Variants in SAP30L observed in about 807,000 individuals in gnomAD.
SAP30L encodes the protein SAP30 like.
In SAP30L, 10 loss-of-function variants were observed where a neutral mutation model predicts 22.3. The observed-to-expected ratio is 0.45, with a 90% confidence interval of 0.28 to 0.76. SAP30L has a LOEUF of 0.76. Ranked by LOEUF, SAP30L falls within the 30% of genes least tolerant of loss-of-function variation. The probability of loss-of-function intolerance (pLI) is 0.14; values close to 1 mark genes in which losing one functional copy is unlikely to be tolerated. For synonymous variants in SAP30L, 91 were observed against 94.1 expected (o/e 0.97, Z 0.19); for missense variants, 206 against 237.9 (o/e 0.87, Z 0.88).
chr5:154,446,616 C>T lies in SAP30L; in HGVS notation c.12C>T (p.Phe4=), dbSNP rs938357785. ...CCCGGGGCGGGGAGATGAACGGCTT[C>T]AGCACGGAGGAGGACAGCCGCGAAG... MNG[F]STEEDSREGP... Residue 4 remains phenylalanine (F), a synonymous_variant, in exon 1 of 4, where the codon TTC becomes TTT. Coordinates refer to ENST00000297109, the MANE Select transcript of SAP30L (RefSeq NM_024632.6). The T allele has an allele frequency of 6.6e-7, 1 of 1,506,814 alleles. No individual in the cohort carries two copies. Among genetic ancestry groups the T allele is most frequent in the Non-Finnish European group, 8.8e-7 (1 of 1,131,808 alleles). 93.3% of individuals were successfully genotyped at this position (1,506,814 alleles called of 1,614,324 possible).
At chr5:154,454,365 G>T (rs968062462) in intron 3 of SAP30L, among the ~76,000 whole-genome samples, 1 of 151,600 alleles carries the variant, frequency 6.6e-6, no homozygotes, top group African/African-American at 2.4e-5. Flanking sequence ...TGATAATTCT[G>T]TCTTTGTCAT....
At chr5:154,452,907 A>G (rs1192771976) in intron 2 of SAP30L, among the ~76,000 whole-genome samples, 1 of 151,420 alleles carries the variant, frequency 6.6e-6, no homozygotes, top group African/African-American at 2.4e-5. Context: ...TTGCTATAGC[A>G]TCTCCCTCCG....
chr5:154,452,084 A>G (rs1467313169), intron 2 of SAP30L, among the ~76,000 whole-genome samples: 1 of 152,220 alleles, frequency 6.6e-6, no homozygotes, highest in Non-Finnish European at 1.5e-5. Flanking sequence ...ACTCAGCAAG[A>G]GAAGAACCGT....
At chr5:154,450,245 A>G (rs1319557265) in intron 1 of SAP30L, among the ~76,000 whole-genome samples, 1 of 152,218 alleles carries the variant, frequency 6.6e-6, no homozygotes, top group Non-Finnish European at 1.5e-5. Flanking sequence ...TCCAGCCTGT[A>G]TTAGAAAATC....
At chr5:154,446,852 C>T (rs558265557) in intron 1 of SAP30L, 47 bp downstream of exon 1, 2 of 1,515,116 alleles carry the variant, frequency 1.3e-6, no homozygotes, top group African/African-American at 2.8e-5. Flanking sequence ...CCCCAGCTCT[C>T]CGTCCGCTGC....
At chr5:154,447,643 A>T (rs1282223674) in intron 1 of SAP30L, among the ~76,000 whole-genome samples, 1 of 152,206 alleles carries the variant, frequency 6.6e-6, no homozygotes, top group East Asian at 1.9e-4. Flanking sequence ...AGTTAAGGGG[A>T]TATTTAATAT....
intron 2 of SAP30L, 23 bp downstream of exon 2, chr5:154,451,236 G>T: frequency 6.2e-7 from 1 of 1,608,278 alleles, no homozygotes; most frequent in Non-Finnish European, 8.5e-7. Context: ...GAAACCAGTT[G>T]CGGAAGCTGG....
intron 1 of SAP30L, among the ~76,000 whole-genome samples, chr5:154,447,584 T>C (rs1159266797): frequency 6.6e-6 from 1 of 152,250 alleles, no homozygotes; most frequent in Non-Finnish European, 1.5e-5. Context: ...GTTTGACATC[T>C]GTTGCTACAA....
intron 3 of SAP30L, among the ~76,000 whole-genome samples, chr5:154,454,034 A>G (rs1757211305): frequency 6.6e-6 from 1 of 152,182 alleles, no homozygotes; most frequent in South Asian, 2.1e-4. Context: ...ATGTTGCTCA[A>G]GTGATTCTCT....
Position 154,446,259 on chromosome 5 carries a change from T to G in SAP30L, c.-346T>G. Reference sequence around the variant, plus strand: ...CCTGGCAACCCAGGCCCGGAGTCCTTGGGGAGCGGCTGTTTCCTGGGACGC... The same window carrying G: ...CCTGGCAACCCAGGCCCGGAGTCCTGGGGGAGCGGCTGTTTCCTGGGACGC... On this transcript the variant is annotated 5_prime_UTR_variant, in exon 1 of 4. Transcript: ENST00000297109. 1 of 220,830 alleles carries G rather than the reference T, an allele frequency of 4.5e-6. No individual in the cohort carries two copies. Among genetic ancestry groups the G allele is most frequent in the Non-Finnish European group, 8.9e-6 (1 of 112,934 alleles). The allele number at this position is 220,830 out of a possible 1,614,324, so 13.7% of individuals were successfully genotyped here.
chr5:154,458,820 A>G lies in SAP30L; in HGVS notation c.*2792A>G, dbSNP rs1561705205. 6.6e-6 allele frequency: 1 copy of G among 152,230 alleles called. No homozygotes were observed. Among genetic ancestry groups the G allele is most frequent in the Non-Finnish European group, 1.5e-5 (1 of 68,036 alleles). 9.4% of individuals were successfully genotyped at this position (152,230 alleles called of 1,614,324 possible). A position where few individuals can be genotyped will look rare whatever the true frequency, so the allele number is the denominator to read the frequency against. The stretch of plus-strand genomic sequence containing the variant: ...AGGAACAAACTCTTAGGTTGGCAAC[A>G]GCATATAAAAAAAAAGATCACAGCT... On this transcript the variant is annotated 3_prime_UTR_variant, in exon 4 of 4. Coordinates refer to ENST00000297109, the MANE Select transcript of SAP30L (RefSeq NM_024632.6).
At chr5:154,451,396 G>C in intron 2 of SAP30L, 183 bp downstream of exon 2, 2 of 650,568 alleles carry the variant, frequency 3.1e-6, no homozygotes, top group East Asian at 5.7e-5. Context: ...GACACCCACT[G>C]GTCAGACTGC....
At chr5:154,454,193 C>T (rs1757214634) in intron 3 of SAP30L, among the ~76,000 whole-genome samples, 2 of 152,128 alleles carry the variant, frequency 1.3e-5, no homozygotes, top group South Asian at 4.1e-4. Context: ...TCTACAGGAG[C>T]TATTTTTTTT....
intron 1 of SAP30L, among the ~76,000 whole-genome samples, chr5:154,449,330 G>A (rs149033396): frequency 3.9e-5 from 6 of 152,088 alleles, no homozygotes; most frequent in East Asian, 1.9e-4. Flanking sequence ...GTACTGGGGG[G>A]GCAGAAGGCC....
At chr5:154,452,365 CAAAAAA>C in intron 2 of SAP30L, 2 of 227,630 alleles carry the variant, frequency 8.8e-6, no homozygotes, top group Non-Finnish European at 1.3e-5. Flanking sequence ...TGGTTTTCAC[CAAAAAA>C]AAAAAAAAAA....
Position 154,456,165 on chromosome 5 carries a change from GT to G in SAP30L, c.*138del, listed in dbSNP as rs1370623779. 10 of 861,380 alleles carry G rather than the reference GT, an allele frequency of 1.2e-5. No homozygotes were observed. Among genetic ancestry groups the G allele is most frequent in the Admixed American group, 1.1e-4 (3 of 28,356 alleles). The allele number at this position is 861,380 out of a possible 1,614,324, so 53.4% of individuals were successfully genotyped here. A position where few individuals can be genotyped will look rare whatever the true frequency, so the allele number is the denominator to read the frequency against. ...ATGATGAATACTGTAAATCTTTTTG[GT>G]CAGGAGGATTATATTCTCATGATTC... On this transcript the variant is annotated 3_prime_UTR_variant, in exon 4 of 4. Transcript: ENST00000297109.
chr5:154,446,432 C>A lies in SAP30L; in HGVS notation c.-173C>A, dbSNP rs950754281. On this transcript the variant is annotated 5_prime_UTR_variant, in exon 1 of 4. Coordinates refer to ENST00000297109, the MANE Select transcript of SAP30L (RefSeq NM_024632.6). ...AAGGGGGCTTCCGGAGGCGGAGGGC[C>A]GGGGGCCGAGGGAGCCGGGCCTCTC... 2.1e-6 allele frequency: 1 copy of A among 486,900 alleles called. No individual in the cohort carries two copies. The highest frequency in any genetic ancestry group is 3.3e-6 in the Non-Finnish European group (1 of 299,322). The allele number at this position is 486,900 out of a possible 1,614,324, so 30.2% of individuals were successfully genotyped here.
At position 154,446,618 on chromosome 5, in the gene SAP30L, G is replaced by A. The variant is rs1026398557; in HGVS notation, c.14G>A (p.Ser5Asn). Residue 5 changes from serine to asparagine, a missense_variant, in exon 1 of 4, where the codon AGC becomes AAC. Ser to Asn is a conservative substitution (Grantham distance 46). This residue lies in a region of SAP30L where 70 missense variants were observed against 50.5 expected (regional missense o/e 1.39). Coordinates refer to ENST00000297109, the MANE Select transcript of SAP30L (RefSeq NM_024632.6). ...CGGGGCGGGGAGATGAACGGCTTCA[G>A]CACGGAGGAGGACAGCCGCGAAGGG... MNGF[S>N]TEEDSREGPP... is the part of the protein sequence containing the mutation. 2.4e-5 allele frequency: 36 copies of A among 1,511,818 alleles called. No homozygotes were observed. The highest frequency in any genetic ancestry group is 2.8e-5 in the Non-Finnish European group (32 of 1,134,068). 93.7% of individuals were successfully genotyped at this position (1,511,818 alleles called of 1,614,324 possible).
rs148495748 is a variant in SAP30L at position 154,453,448 on chromosome 5, G to A, written c.371G>A (p.Arg124Gln). The change falls in exon 3 of 4, where the codon CGA (arginine) becomes CAA (glutamine). Residue 124 changes from arginine (R) to glutamine (Q), a missense_variant. By Grantham distance (43) the Arg-to-Gln change is conservative. Transcript: ENST00000297109. ...LQVNTLRRYKRHYKLQTRPGF... is the reference protein window; with the variant it reads ...LQVNTLRRYKQHYKLQTRPGF... The stretch of plus-strand genomic sequence containing the variant: ...GTGAACACCCTACGACGTTATAAAC[G>A]ACACTACAAGTTGCAGACCAGACCA... 18 of 1,614,072 alleles carry A rather than the reference G, an allele frequency of 1.1e-5. No homozygotes were observed. The highest frequency in any genetic ancestry group is 1.4e-5 in the Non-Finnish European group (16 of 1,179,982).
Sources: gnomAD v4.1 joint callset for allele counts (sites outside exome capture counted in the v4.1 genomes callset) on GRCh38, gnomAD v4.1.1 for gene constraint, gnomAD v4.1.1 regional missense constraint, MANE v1.5 for transcripts, NCBI Gene and HGNC (gene_info 2026-07-23, HGNC 2026-07-21) for gene names.